Variants in GRM7 observed in about 807,000 individuals in gnomAD.
GRM7 encodes the protein metabotropic glutamate receptor 7.
GRM7 carries 35 observed loss-of-function variants against 84.5 expected under a neutral mutation model. The observed-to-expected ratio is 0.41, with a 90% CI of 0.32 to 0.55. The LOEUF is 0.55. GRM7 is among the 20% of genes least tolerant of loss of function. The pLI is 0.19. For missense variants in GRM7, 1,003 were observed against 1,194.6 expected, an observed-to-expected ratio of 0.84 and a Z score of 2.36; for synonymous variants, 487 against 455.1, an observed-to-expected ratio of 1.07 and a Z score of -0.89.
At chr3:7,311,188 T>C (rs1270627540) in intron 4 of GRM7, among the ~76,000 whole-genome samples, 1 of 152,192 alleles carries the variant, frequency 6.6e-6, no homozygotes, top group Non-Finnish European at 1.5e-5. Flanking sequence ...GAAATGTAGA[T>C]GAACTATGCG....
rs1277069179 is a variant in GRM7, at chr3:7,741,471, C to G, written c.*1065C>G. On this transcript the variant is annotated 3_prime_UTR_variant, in exon 10 of 10. Coordinates refer to ENST00000357716, the MANE Select transcript of GRM7 (RefSeq NM_000844.4). ...TGCTGAAAAATTCCCTCTTTCCATT[C>G]TCTTTCAATTCTGTGATATTGTCCA... The G allele has an allele frequency of 6.6e-6, 1 of 152,558 alleles. No individual in the cohort carries two copies. The highest frequency in any genetic ancestry group is 1.5e-5 in the Non-Finnish European group (1 of 68,022). 9.5% of individuals were successfully genotyped at this position (152,558 alleles called of 1,614,324 possible).
At chr3:7,456,824 T>C (rs1439626755) in intron 6 of GRM7, among the ~76,000 whole-genome samples, 1 of 152,154 alleles carries the variant, frequency 6.6e-6, no homozygotes, top group African/African-American at 2.4e-5. Context: ...TATTCATGGA[T>C]GACAGTGCTC....
chr3:7,604,024 A>G (rs1696445466), intron 8 of GRM7, among the ~76,000 whole-genome samples: 1 of 152,104 alleles, frequency 6.6e-6, no homozygotes, highest in South Asian at 2.1e-4. Context: ...CTTTTTGTCT[A>G]TAGACAGGAC....
intron 5 of GRM7, among the ~76,000 whole-genome samples, chr3:7,420,518 C>A (rs1648723920): frequency 6.6e-6 from 1 of 152,062 alleles, no homozygotes; most frequent in South Asian, 2.1e-4. Context: ...AGAGGCTTGC[C>A]ACAGATTAAT....
chr3:7,639,858 G>C (rs972814208), intron 8 of GRM7, among the ~76,000 whole-genome samples: 1 of 152,064 alleles, frequency 6.6e-6, no homozygotes, highest in African/African-American at 2.4e-5. Context: ...TCCCTTTCTA[G>C]TCAGGACCCA....
intron 1 of GRM7, among the ~76,000 whole-genome samples, chr3:6,934,362 C>T (rs1318025971): frequency 6.6e-6 from 1 of 152,034 alleles, no homozygotes; most frequent in East Asian, 1.9e-4. Context: ...GTACTGGGCA[C>T]AGATACAATA....
In GRM7 at chr3:7,039,637, G is replaced by GA. The variant is rs1696517431; in HGVS notation, c.520-106815_520-106814insA. Among the ~76,000 whole-genome samples, 3 of 152,016 alleles carry GA rather than the reference G, an allele frequency of 2.0e-5. No homozygotes were observed. The South Asian group carries it at 6.2e-4, about 31-fold the overall frequency. ...CAGAGGACCCATAATTTCCATCTAGGGAGTGTCAATCAATACAAAGCTAAA... is the reference window on the plus strand; with the variant it reads ...CAGAGGACCCATAATTTCCATCTAGGAGAGTGTCAATCAATACAAAGCTAAA... On this transcript the variant is annotated intron_variant, in intron 1 of 9. Coordinates refer to ENST00000357716, the MANE Select transcript of GRM7 (RefSeq NM_000844.4).
intron 2 of GRM7, among the ~76,000 whole-genome samples, chr3:7,266,773 C>T (rs180723981): frequency 2.0e-4 from 30 of 152,280 alleles, no homozygotes; most frequent in African/African-American, 6.5e-4. Context: ...GTACTTGAAC[C>T]TAAACTTACA....
At chr3:7,708,395 A>G (rs1701468330) in intron 9 of GRM7, among the ~76,000 whole-genome samples, 1 of 152,100 alleles carries the variant, frequency 6.6e-6, no homozygotes, top group Admixed American at 6.5e-5. Flanking sequence ...GGTTGCACAG[A>G]AAGCACAGAG....
chr3:7,629,639 T>C lies in GRM7; in HGVS notation c.2451+50282T>C, dbSNP rs140691820. On this transcript the variant is annotated intron_variant, in intron 8 of 9. Transcript: ENST00000357716. ...AATGGTATGGGGACAACTTCATCCA[T>C]AGCAATTTGATACAAAGCTTTAAGA... Among the ~76,000 whole-genome samples, 201 of 152,286 alleles carry C rather than the reference T, an allele frequency of 1.3e-3. 1 individual carries two copies. Among genetic ancestry groups the C allele is most frequent in the African/African-American group, 4.5e-3 (189 of 41,556 alleles).
In GRM7 at chr3:7,191,130, TG is replaced by T. The variant is rs1445932231; in HGVS notation, c.736+44464del. Among the ~76,000 whole-genome samples, 8 of 152,284 alleles carry T rather than the reference TG, an allele frequency of 5.3e-5. No individual in the cohort carries two copies. In the East Asian group the frequency reaches 1.5e-3, roughly 29 times the overall value. The stretch of plus-strand genomic sequence containing the variant: ...CCACAGGATTCTATAATATTAGCCA[TG>T]GCAATGAGAGGATAATCGAAATTGA... On this transcript the variant is annotated intron_variant, in intron 2 of 9. Coordinates refer to ENST00000357716, the MANE Select transcript of GRM7 (RefSeq NM_000844.4).
chr3:7,473,891 G>A (rs74415363), intron 7 of GRM7, among the ~76,000 whole-genome samples: 8,124 of 152,194 alleles, frequency 0.053, 745 homozygotes, highest in African/African-American at 0.18. Flanking sequence ...ATCTTCTTGG[G>A]TAAGAATTTC....
rs577320752 is a variant in GRM7 at position 7,539,431 on chromosome 3, C to A, written c.1516-38991C>A. 1.4e-4 allele frequency among the ~76,000 whole-genome samples: 22 copies of A among 152,168 alleles called. No homozygotes were observed. The South Asian group carries it at 3.7e-3, about 26-fold the overall frequency. On this transcript the variant is annotated intron_variant, in intron 7 of 9. Coordinates refer to ENST00000357716, the MANE Select transcript of GRM7 (RefSeq NM_000844.4). The stretch of plus-strand genomic sequence containing the variant: ...GTGGCTCACGCCTGTAATCCCAGCA[C>A]TTTGGGAGGCCGAGGTGGGTGGATC...
At chr3:7,239,852 C>T (rs1159315248) in intron 2 of GRM7, among the ~76,000 whole-genome samples, 3 of 152,168 alleles carry the variant, frequency 2.0e-5, no homozygotes, top group Admixed American at 6.6e-5. Context: ...CAAGTTAGTT[C>T]TGCCCTTCTC....
intron 1 of GRM7, among the ~76,000 whole-genome samples, chr3:7,018,627 A>G (rs189133114): frequency 6.6e-6 from 1 of 152,318 alleles, no homozygotes; most frequent in African/African-American, 2.4e-5. Context: ...GCAGCCCCAA[A>G]GCTTGGAGCT....
At chr3:7,003,916 G>C (rs1267323810) in intron 1 of GRM7, among the ~76,000 whole-genome samples, 1 of 152,198 alleles carries the variant, frequency 6.6e-6, no homozygotes, top group Non-Finnish European at 1.5e-5. Context: ...TGGAAGGCTT[G>C]TCTGGCATTG....
chr3:7,617,720 C>T (rs748867760), intron 8 of GRM7, among the ~76,000 whole-genome samples: 18 of 152,040 alleles, frequency 1.2e-4, no homozygotes, highest in Non-Finnish European at 1.9e-4. Flanking sequence ...AAAACAACAG[C>T]GCAAGTATCA....
At chr3:7,735,288 A>C (rs998725849) in intron 9 of GRM7, among the ~76,000 whole-genome samples, 1 of 152,202 alleles carries the variant, frequency 6.6e-6, no homozygotes, top group African/African-American at 2.4e-5. Context: ...TGAGATTTAC[A>C]AATGACTAAA....
chr3:6,951,843 T>C (rs1336879505), intron 1 of GRM7, among the ~76,000 whole-genome samples: 1 of 152,200 alleles, frequency 6.6e-6, no homozygotes, highest in African/African-American at 2.4e-5. Flanking sequence ...CTTATTCTCT[T>C]AATTATTGTG....
Sources: gnomAD v4.1 joint callset for allele counts (sites outside exome capture counted in the v4.1 genomes callset) on GRCh38, gnomAD v4.1.1 for gene constraint, MANE v1.5 for transcripts, NCBI Gene and HGNC (gene_info 2026-07-23, HGNC 2026-07-21) for gene names.